The following COL22A1 variants were observed in gnomAD, a reference collection of about 807,000 sequenced individuals.
COL22A1 encodes collagen alpha-1(XXII) chain.
In COL22A1, 221 loss-of-function variants were observed where a neutral mutation model predicts 248.9. The ratio of observed to expected loss-of-function variants is 0.89; its 90% confidence interval spans 0.80 to 0.99. The LOEUF is 0.99. COL22A1 is among the 50% of genes least tolerant of loss of function. The probability of loss-of-function intolerance (pLI) is 0.00; values close to 1 mark genes in which losing one functional copy is unlikely to be tolerated. For synonymous variants in COL22A1, 891 were observed against 793.4 expected (o/e 1.12, Z -2.07); for missense variants, 2,240 against 2,179.0 (o/e 1.03, Z -0.56).
rs192082236 is a variant in COL22A1 at position 138,781,481 on chromosome 8, A to G, written c.1597-501T>C. Among the ~76,000 whole-genome samples the G allele has an allele frequency of 2.5e-3, 386 of 152,312 alleles. 12 individuals are homozygous for G. Among genetic ancestry groups the G allele is most frequent in the Admixed American group, 0.025 (383 of 15,294 alleles). On this transcript the variant is annotated intron_variant, in intron 12 of 64. Coordinates refer to ENST00000303045, the MANE Select transcript of COL22A1 (RefSeq NM_152888.3). ...GGGTGACAACCAAAAATGTCTTCAG[A>G]TATTGCCAAAAGCCTCCTGCTTGGG...
At position 138,623,276 on chromosome 8, in the gene COL22A1, G is replaced by A. The variant is rs867556810; in HGVS notation, c.3771+456C>T. Reference sequence around the variant, plus strand: ...TATATATATTTATGTGTGTGTGTGTGTGTGTGTGTGTGTGTGTGTGTAATC... The same window carrying A: ...TATATATATTTATGTGTGTGTGTGTATGTGTGTGTGTGTGTGTGTGTAATC... On this transcript the variant is annotated intron_variant, in intron 52 of 64. Transcript: ENST00000303045. Among the ~76,000 whole-genome samples, 488 of 138,736 alleles carry A rather than the reference G, an allele frequency of 3.5e-3. 3 individuals are homozygous for A. The highest frequency in any genetic ancestry group is 0.027 in the South Asian group (107 of 4,012). 91.0% of individuals were successfully genotyped at this position (138,736 alleles called of 152,430 possible). A position where few individuals can be genotyped will look rare whatever the true frequency, so the allele number is the denominator to read the frequency against.
At chr8:138,708,609 T>C (rs2131034230) in intron 30 of COL22A1, among the ~76,000 whole-genome samples, 1 of 152,230 alleles carries the variant, frequency 6.6e-6, no homozygotes, top group Non-Finnish European at 1.5e-5. Flanking sequence ...ACTGGATCCC[T>C]TCCTTACACC....
At chr8:138,836,678 G>A (rs1295643589) in intron 4 of COL22A1, among the ~76,000 whole-genome samples, 1 of 152,192 alleles carries the variant, frequency 6.6e-6, no homozygotes, top group South Asian at 2.1e-4. Flanking sequence ...TGTAAACTGG[G>A]ATAATGGGTA....
At chr8:138,707,558 C>T (rs1828576571) in intron 30 of COL22A1, among the ~76,000 whole-genome samples, 1 of 152,170 alleles carries the variant, frequency 6.6e-6, no homozygotes, top group South Asian at 2.1e-4. Flanking sequence ...TCAATAGATG[C>T]AGAAAAGGCC....
chr8:138,678,089 G>A (rs556362958), intron 40 of COL22A1, among the ~76,000 whole-genome samples: 28 of 152,204 alleles, frequency 1.8e-4, no homozygotes, highest in Admixed American at 3.9e-4. Context: ...TAGTACAACC[G>A]TTGCCTGGAT....
intron 37 of COL22A1, among the ~76,000 whole-genome samples, chr8:138,687,416 G>C (rs1031325411): frequency 6.6e-6 from 1 of 152,228 alleles, no homozygotes; most frequent in Admixed American, 6.5e-5. Flanking sequence ...ATCTCCTCGT[G>C]TTAAATTATG....
chr8:138,821,879 G>A (rs1013145286), intron 6 of COL22A1, among the ~76,000 whole-genome samples: 1 of 152,132 alleles, frequency 6.6e-6, no homozygotes, highest in Non-Finnish European at 1.5e-5. Context: ...ACCCTACACT[G>A]TCTTTTATTT....
chr8:138,799,829 G>A (rs539376968), intron 11 of COL22A1, among the ~76,000 whole-genome samples: 6 of 152,140 alleles, frequency 3.9e-5, no homozygotes, highest in Non-Finnish European at 7.4e-5. Context: ...CAGTCATTGA[G>A]GTTTCTTTCT....
chr8:138,738,012 C>T lies in COL22A1; in HGVS notation c.2086-435G>A, dbSNP rs1162158243. ...CACCAACACACACACTCCCCCGTCC[C>T]CCGTTTCTTCACAGACTTCAGCTTG... On this transcript the variant is annotated intron_variant, in intron 22 of 64. Coordinates refer to ENST00000303045, the MANE Select transcript of COL22A1 (RefSeq NM_152888.3). Among the ~76,000 whole-genome samples the T allele has an allele frequency of 5.9e-5, 9 of 152,176 alleles. No individual in the cohort carries two copies. In the South Asian group the frequency reaches 8.3e-4, roughly 14 times the overall value.
Position 138,867,939 on chromosome 8 carries a change from AT to A in COL22A1, c.658+9810del, listed in dbSNP as rs374078684. Reference sequence around the variant, plus strand: ...GCCAACATGCCTGGCTAACTTTTGTATTTTTAGTACAGACAGGGTTTCACCA... The same window carrying A: ...GCCAACATGCCTGGCTAACTTTTGTATTTTAGTACAGACAGGGTTTCACCA... On this transcript the variant is annotated intron_variant, in intron 3 of 64. Coordinates refer to ENST00000303045, the MANE Select transcript of COL22A1 (RefSeq NM_152888.3). Among the ~76,000 whole-genome samples, 975 of 151,978 alleles carry A rather than the reference AT, an allele frequency of 6.4e-3. 6 individuals are homozygous for A. Among genetic ancestry groups the A allele is most frequent in the South Asian group, 0.02 (94 of 4,816 alleles).
rs72731614 is a variant in COL22A1, at chr8:138,826,728, C to T, written c.899G>A (p.Arg300Gln). 126 of 1,614,036 alleles carry T rather than the reference C, an allele frequency of 7.8e-5. No homozygotes were observed. The highest frequency in any genetic ancestry group is 5.0e-4 in the Middle Eastern group (3 of 6,060). ...TTCCTTCCGAGAGGTTTTCCTGAAC[C>T]GGAAGGTTGTGACAAAGGCGTACTC... ...PDEYAFVTTF[R>Q]FRKTSRKEDW... Residue 300 changes from arginine to glutamine, a missense_variant, in exon 6 of 65, where the codon CGG becomes CAG. By Grantham distance (43) the Arg-to-Gln change is conservative (BLOSUM62 1). Coordinates refer to ENST00000303045, the MANE Select transcript of COL22A1 (RefSeq NM_152888.3).
In COL22A1 at chr8:138,737,509, G is replaced by A; in HGVS notation, c.2139+15C>T. On this transcript the variant is annotated intron_variant, in intron 23 of 64. Transcript: ENST00000303045. ...AAGCAGCGTTGCTATGGAAGAGAAT[G>A]TAAAAGGTAGTTACCTGCAGCCCCA... 1.3e-6 allele frequency: 2 copies of A among 1,586,004 alleles called. No homozygotes were observed. The highest frequency in any genetic ancestry group is 2.2e-5 in the South Asian group (2 of 90,472).
rs564690941 is a variant in COL22A1, at chr8:138,636,868, A to T, written c.3502-73T>A. The T allele has an allele frequency of 3.3e-6, 4 of 1,214,872 alleles. No individual in the cohort carries two copies. In the East Asian group the frequency reaches 9.3e-5, roughly 28 times the overall value. The allele number at this position is 1,214,872 out of a possible 1,614,324, so 75.3% of individuals were successfully genotyped here. Reference sequence around the variant, plus strand: ...AGGAAAACAAAAATCATTTTCATGCATTCATTCATCCATTCATTAATTCTC... The same window carrying T: ...AGGAAAACAAAAATCATTTTCATGCTTTCATTCATCCATTCATTAATTCTC... On this transcript the variant is annotated intron_variant, in intron 47 of 64. Transcript: ENST00000303045.
chr8:138,807,486 A>T (rs1817825537), intron 10 of COL22A1, among the ~76,000 whole-genome samples: 1 of 152,202 alleles, frequency 6.6e-6, no homozygotes, highest in South Asian at 2.1e-4. Flanking sequence ...TTGACCATGG[A>T]GAGTTGAGCG....
chr8:138,694,579 G>T lies in COL22A1; in HGVS notation c.2647-18C>A. The T allele has an allele frequency of 6.2e-7, 1 of 1,613,576 alleles. No homozygotes were observed. Among genetic ancestry groups the T allele is most frequent in the Non-Finnish European group, 8.5e-7 (1 of 1,179,650 alleles). On this transcript the variant is annotated intron_variant, in intron 33 of 64. Transcript: ENST00000303045. ...TGCAGTCCCTGTAAGCACACAAGTT[G>T]CCATGAACCAGCTCATCCTCCTGGT...
intron 3 of COL22A1, among the ~76,000 whole-genome samples, chr8:138,868,381 T>G (rs1414367209): frequency 6.6e-6 from 1 of 152,070 alleles, no homozygotes; most frequent in Non-Finnish European, 1.5e-5. Context: ...CCCTCCAAAG[T>G]GCTACCCTAC....
At chr8:138,751,722 A>G (rs1344628313) in intron 21 of COL22A1, among the ~76,000 whole-genome samples, 1 of 152,260 alleles carries the variant, frequency 6.6e-6, no homozygotes, top group Non-Finnish European at 1.5e-5. Context: ...TTGAGCAGTC[A>G]GGATGTAAGA....
chr8:138,668,429 A>T (rs1159678915), intron 41 of COL22A1, among the ~76,000 whole-genome samples: 1 of 152,194 alleles, frequency 6.6e-6, no homozygotes, highest in Non-Finnish European at 1.5e-5. Context: ...TATATATCAC[A>T]CATATGAATA....
chr8:138,877,284 C>T (rs1379715579), intron 3 of COL22A1, among the ~76,000 whole-genome samples: 1 of 152,232 alleles, frequency 6.6e-6, no homozygotes, highest in Non-Finnish European at 1.5e-5. Context: ...CTGAATGCTT[C>T]TTGCGTGATC....
Sources: allele counts gnomAD v4.1 joint callset (sites outside exome capture counted in the v4.1 genomes callset), GRCh38; gene constraint gnomAD v4.1.1; transcripts MANE v1.5; gene names NCBI Gene and HGNC (gene_info 2026-07-23, HGNC 2026-07-21).